The following CRY2 variants were observed in gnomAD, a reference collection of about 807,000 sequenced individuals.
CRY2 encodes the protein cryptochrome-2.
In CRY2, 31 loss-of-function variants were observed where a neutral mutation model predicts 69.5. The observed-to-expected ratio is 0.45, with a 90% CI of 0.34 to 0.60. The LOEUF (loss-of-function observed/expected upper bound fraction) is 0.60. Among genes scored for constraint, CRY2 ranks in the 20% least tolerant of loss-of-function variants. The probability of loss-of-function intolerance (pLI) is 0.02; values close to 1 mark genes in which losing one functional copy is unlikely to be tolerated. For synonymous variants in CRY2, 303 were observed against 312.2 expected, an observed-to-expected ratio of 0.97 and a Z score of 0.31; for missense variants, 606 against 797.8, an observed-to-expected ratio of 0.76 and a Z score of 2.90.
rs2086388371 is a variant in CRY2, at chr11:45,872,124, C to G, written c.1675C>G (p.Pro559Ala). The part of the protein sequence containing the change: ...PRPLPSGPAS[P>A]KRKLEAAEEP... Reference sequence around the variant, plus strand: ...ACCACTACCCAGTGGCCCAGCATCCCCCAAACGCAAGCTGGAAGCAGCCGA... The same window carrying G: ...ACCACTACCCAGTGGCCCAGCATCCGCCAAACGCAAGCTGGAAGCAGCCGA... Residue 559 changes from proline (P) to alanine (A), a missense_variant, in exon 11 of 12, where the codon CCC (proline) becomes GCC (alanine). Physicochemically the swap from Pro to Ala is conservative, Grantham distance 27. Transcript: ENST00000616080. The G allele has an allele frequency of 5.6e-6, 9 of 1,614,000 alleles. No homozygotes were observed. Among genetic ancestry groups the G allele is most frequent in the Non-Finnish European group, 7.6e-6 (9 of 1,180,018 alleles).
upstream of CRY2, chr11:45,847,127 T>A (rs1385010697): frequency 6.1e-6 from 9 of 1,487,054 alleles, no homozygotes; most frequent in African/African-American, 1.4e-5. Flanking sequence ...CAGCTTCTTC[T>A]AGAAGCAGGC....
intron 4 of CRY2, 101 bp downstream of exon 4, chr11:45,861,133 C>A: frequency 1.5e-6 from 2 of 1,340,158 alleles, no homozygotes; most frequent in Admixed American, 2.7e-5. Flanking sequence ...GGTTAGAAAG[C>A]ACAGGAAAAC....
intron 2 of CRY2, among the ~76,000 whole-genome samples, chr11:45,857,797 A>G (rs900195727): frequency 1.3e-5 from 2 of 152,216 alleles, no homozygotes; most frequent in African/African-American, 2.4e-5. Context: ...AACTATAAGC[A>G]TGGTACCTGG....
rs1289481827 is a variant in CRY2 at position 45,882,952 on chromosome 11, A to C, written c.*2041A>C. On this transcript the variant is annotated 3_prime_UTR_variant, in exon 12 of 12. Coordinates refer to ENST00000616080, the MANE Select transcript of CRY2 (RefSeq NM_021117.5). The stretch of plus-strand genomic sequence containing the variant: ...CAGCCCGTTCCCAGATCAACCTGCC[A>C]GTGGAGTCAGGCAGTGCACTCCTGG... 2.7e-6 allele frequency: 1 copy of C among 376,008 alleles called. No homozygotes were observed. The highest frequency in any genetic ancestry group is 4.6e-5 in the Admixed American group (1 of 21,884). 23.3% of individuals were successfully genotyped at this position (376,008 alleles called of 1,614,324 possible).
At chr11:45,848,795 A>G (rs1047065715) in intron 1 of CRY2, among the ~76,000 whole-genome samples, 3 of 152,242 alleles carry the variant, frequency 2.0e-5, no homozygotes, top group South Asian at 2.1e-4. Flanking sequence ...TCGGCACACC[A>G]TTCTTTTCTC....
At chr11:45,878,873 C>T (rs1242053692) in intron 11 of CRY2, among the ~76,000 whole-genome samples, 2 of 139,234 alleles carry the variant, frequency 1.4e-5, no homozygotes, top group African/African-American at 2.7e-5. Context: ...GAGCCAAGAT[C>T]GCGCCACTGC....
intron 4 of CRY2, chr11:45,861,237 C>T (rs2086285779): frequency 1.7e-6 from 1 of 576,640 alleles, no homozygotes; most frequent in Non-Finnish European, 3.0e-6. Flanking sequence ...TCTGTTCATA[C>T]TCATACATGT....
Position 45,870,462 on chromosome 11 carries a change from C to T in CRY2, c.1479C>T (p.Ala493=), listed in dbSNP as rs1052404231. 8 of 1,614,198 alleles carry T rather than the reference C, an allele frequency of 5.0e-6. No individual in the cohort carries two copies. Among genetic ancestry groups the T allele is most frequent in the Middle Eastern group, 1.6e-4 (1 of 6,062 alleles). The change falls in exon 9 of 12, where the codon GCC becomes GCT. Residue 493 remains alanine (A), a synonymous_variant. Transcript: ENST00000616080. ...ACCCACGGCCCATCGTCAACCATGC[C>T]GAGACCAGCCGGCTTAACATTGAAC... ...VDYPRPIVNH[A]ETSRLNIERM...
chr11:45,870,992 C>CCTGA, intron 10 of CRY2, 58 bp downstream of exon 10: 3 of 1,439,732 alleles, frequency 2.1e-6, no homozygotes, highest in Non-Finnish European at 2.9e-6. Context: ...CCACTTCAGT[C>CCTGA]ATTCAGGACT....
intron 1 of CRY2, among the ~76,000 whole-genome samples, chr11:45,854,012 G>A (rs988218626): frequency 6.6e-6 from 1 of 152,248 alleles, no homozygotes; most frequent in East Asian, 1.9e-4. Context: ...AATGTGGGTC[G>A]GTGGCATTGG....
At chr11:45,872,297 C>T (rs974634197) in intron 11 of CRY2, 64 bp downstream of exon 11, 1 of 1,454,978 alleles carries the variant, frequency 6.9e-7, no homozygotes, top group Non-Finnish European at 9.6e-7. Context: ...GCCTACTGCC[C>T]TGCCAGCTGC....
chr11:45,877,769 T>C (rs2086435051), intron 11 of CRY2, among the ~76,000 whole-genome samples: 1 of 152,176 alleles, frequency 6.6e-6, no homozygotes, highest in Admixed American at 6.5e-5. Context: ...CCCAGACCCC[T>C]TTTTCTACAG....
At chr11:45,876,433 C>G (rs2086425237) in intron 11 of CRY2, among the ~76,000 whole-genome samples, 1 of 152,232 alleles carries the variant, frequency 6.6e-6, no homozygotes, top group African/African-American at 2.4e-5. Flanking sequence ...GAAAAACAAG[C>G]CAGCCCCCAA....
At position 45,861,062 on chromosome 11, in the gene CRY2, G is replaced by A. The variant is rs1372008124; in HGVS notation, c.652+30G>A. The A allele has an allele frequency of 8.2e-6, 13 of 1,579,902 alleles. No homozygotes were observed. The South Asian group carries it at 1.1e-4, about 14-fold the overall frequency. On this transcript the variant is annotated intron_variant, in intron 4 of 11. Coordinates refer to ENST00000616080, the MANE Select transcript of CRY2 (RefSeq NM_021117.5). The stretch of plus-strand genomic sequence containing the variant: ...GTACTTCCTGCCCAGAGCCACTTGT[G>A]CTGGTGCCTGCTTTTGTGTAAAGAA...
chr11:45,856,288 G>A (rs903103814), intron 2 of CRY2, 198 bp downstream of exon 2: 1 of 550,546 alleles, frequency 1.8e-6, no homozygotes, highest in African/African-American at 1.9e-5. Flanking sequence ...AAAAAATTCT[G>A]GGAAACCAGT....
rs958091362 is a variant in CRY2 at position 45,882,883 on chromosome 11, T to G, written c.*1972T>G. 7.6e-6 allele frequency: 3 copies of G among 396,380 alleles called. No homozygotes were observed. Among genetic ancestry groups the G allele is most frequent in the Non-Finnish European group, 1.3e-5 (3 of 225,274 alleles). 24.6% of individuals were successfully genotyped at this position (396,380 alleles called of 1,614,324 possible). On this transcript the variant is annotated 3_prime_UTR_variant, in exon 12 of 12. Transcript: ENST00000616080. ...TGGCTCTCTTCCCTAAGGTACAGGT[T>G]GGCAGGACCACCTCCGCCTACTTCT...
At position 45,852,737 on chromosome 11, in the gene CRY2, A is replaced by G. The variant is rs540005526; in HGVS notation, c.216-3245A>G. Among the ~76,000 whole-genome samples, 3 of 152,368 alleles carry G rather than the reference A, an allele frequency of 2.0e-5. No homozygotes were observed. The South Asian group carries it at 6.2e-4, about 32-fold the overall frequency. On this transcript the variant is annotated intron_variant, in intron 1 of 11. Coordinates refer to ENST00000616080, the MANE Select transcript of CRY2 (RefSeq NM_021117.5). ...AACAAACTAGAAGCAAAGAAAGGCA[A>G]CTTGTAACAGAGACTAGAAGTAAAG... is the stretch of plus-strand genomic sequence containing the variant.
chr11:45,848,135 G>C (rs1480002559), intron 1 of CRY2, among the ~76,000 whole-genome samples: 1 of 152,184 alleles, frequency 6.6e-6, no homozygotes, highest in African/African-American at 2.4e-5. Flanking sequence ...TTCTTCAAGA[G>C]CCCGTTGCTG....
chr11:45,876,997 C>T (rs1428103400), intron 11 of CRY2, among the ~76,000 whole-genome samples: 2 of 152,194 alleles, frequency 1.3e-5, no homozygotes, highest in Non-Finnish European at 2.9e-5. Context: ...TCTGTTCCTG[C>T]CTTTAAAATC....
Sources: allele counts gnomAD v4.1 joint callset (sites outside exome capture counted in the v4.1 genomes callset), GRCh38; gene constraint gnomAD v4.1.1; transcripts MANE v1.5; gene names NCBI Gene and HGNC (gene_info 2026-07-23, HGNC 2026-07-21).